Variants in TET3 observed in about 807,000 individuals in gnomAD.
TET3 encodes the protein tet methylcytosine dioxygenase 3.
Under a neutral mutation model 141.4 loss-of-function variants are expected in TET3, and 19 were observed. The observed-to-expected ratio is 0.13, with a 90% CI of 0.09 to 0.20. TET3 has a LOEUF of 0.20. Ranked by LOEUF, TET3 falls within the 10% of genes least tolerant of loss-of-function variation. The pLI is 1.00. For synonymous variants in TET3, 1,043 were observed against 980.9 expected, an observed-to-expected ratio of 1.06 and a Z score of -1.18; for missense variants, 1,874 against 2,356.9, an observed-to-expected ratio of 0.80 and a Z score of 4.24.
Position 74,092,807 on chromosome 2 carries a change from C to A in TET3, c.3040-95C>A, listed in dbSNP as rs532838034. On this transcript the variant is annotated intron_variant, in intron 8 of 11. Transcript: ENST00000409262. ...CCTGATAACACCTCCCTCCCAGCCTCCCCCACGATGCTTCAGGAATGCCAG... is the reference window on the plus strand; with the variant it reads ...CCTGATAACACCTCCCTCCCAGCCTACCCCACGATGCTTCAGGAATGCCAG... 2.8e-6 allele frequency: 3 copies of A among 1,077,818 alleles called. No individual in the cohort carries two copies. The East Asian group carries it at 7.8e-5, about 28-fold the overall frequency. The allele number at this position is 1,077,818 out of a possible 1,614,324, so 66.8% of individuals were successfully genotyped here.
rs963656949 is a variant in TET3 at position 74,069,599 on chromosome 2, T to C, written c.2495-3950T>C. Among the ~76,000 whole-genome samples, 140 of 151,596 alleles carry C rather than the reference T, an allele frequency of 9.2e-4. 1 individual carries two copies. The highest frequency in any genetic ancestry group is 3.4e-4 in the Non-Finnish European group (23 of 67,896). On this transcript the variant is annotated intron_variant, in intron 4 of 11. Transcript: ENST00000409262. The stretch of plus-strand genomic sequence containing the variant: ...TATGCCCTTTCTTATCTTTTTTTTT[T>C]CCCTTGATGCAGGGTCTTGCTGTGT...
intron 3 of TET3, among the ~76,000 whole-genome samples, chr2:74,021,388 C>T (rs532333384): frequency 2.0e-5 from 3 of 152,352 alleles, no homozygotes; most frequent in Admixed American, 6.5e-5. Context: ...TTAGCCCACC[C>T]GTTGGACAAA....
At chr2:74,037,521 G>C (rs1165368413) in intron 3 of TET3, among the ~76,000 whole-genome samples, 1 of 152,252 alleles carries the variant, frequency 6.6e-6, no homozygotes, top group Non-Finnish European at 1.5e-5. Context: ...ACTGGGTGGA[G>C]TTTACTGGCT....
intron 3 of TET3, among the ~76,000 whole-genome samples, chr2:74,026,708 G>A (rs369908602): frequency 6.6e-6 from 1 of 150,420 alleles, no homozygotes; most frequent in African/African-American, 2.4e-5. Context: ...TGAATCGCTC[G>A]CAAACTTCCC....
At chr2:74,054,190 A>G (rs1480369263) in intron 4 of TET3, among the ~76,000 whole-genome samples, 1 of 152,122 alleles carries the variant, frequency 6.6e-6, no homozygotes, top group African/African-American at 2.4e-5. Flanking sequence ...TCAGGGGAAG[A>G]GGGGATGATA....
the TET3 span, chr2:74,122,914 G>A: frequency 6.6e-6 from 1 of 151,650 alleles, no homozygotes; most frequent in South Asian, 2.1e-4. Context: ...GGCTGGCCTT[G>A]AACTCCTGGG....
At chr2:74,012,015 C>T (rs564957423) in intron 3 of TET3, among the ~76,000 whole-genome samples, 2 of 152,262 alleles carry the variant, frequency 1.3e-5, no homozygotes, top group African/African-American at 4.8e-5. Flanking sequence ...GGTTGGAGTG[C>T]GGTGGCTCGA....
intron 3 of TET3, among the ~76,000 whole-genome samples, chr2:74,017,084 A>G (rs139463199): frequency 1.3e-3 from 201 of 152,234 alleles, no homozygotes; most frequent in African/African-American, 4.6e-3. Flanking sequence ...TGGGAAGTTC[A>G]AGACCAGCCT....
At chr2:74,121,752 T>C in the TET3 span, 1 of 152,254 alleles carries the variant, frequency 6.6e-6, no homozygotes, top group Non-Finnish European at 1.5e-5. Flanking sequence ...CATCCCAGCA[T>C]ATTGGGAGTC....
the TET3 span, among the ~76,000 whole-genome samples, chr2:74,126,262 T>G: frequency 1.3e-5 from 2 of 152,182 alleles, no homozygotes; most frequent in Admixed American, 1.3e-4. Flanking sequence ...GTTTTAATGC[T>G]GAAAAGAGAA....
chr2:74,045,901 G>A (rs1687594452), intron 3 of TET3, among the ~76,000 whole-genome samples: 1 of 152,090 alleles, frequency 6.6e-6, no homozygotes, highest in African/African-American at 2.4e-5. Flanking sequence ...TTTCCATCTT[G>A]ACAAAAAACA....
chr2:73,989,388 A>T (rs10207954), intron 2 of TET3, among the ~76,000 whole-genome samples: 4,719 of 151,944 alleles, frequency 0.031, 152 homozygotes, highest in East Asian at 0.16. Context: ...ACTCTTCCTT[A>T]CTTCCCTTCT....
intron 6 of TET3, among the ~76,000 whole-genome samples, chr2:74,082,533 A>G (rs553669496): frequency 1.2e-4 from 18 of 152,136 alleles, no homozygotes; most frequent in Non-Finnish European, 2.4e-4. Context: ...GGGACTTCCC[A>G]TGTCTTATGA....
intron 4 of TET3, among the ~76,000 whole-genome samples, chr2:74,052,380 A>G (rs1409419641): frequency 6.6e-6 from 1 of 152,168 alleles, no homozygotes; most frequent in Admixed American, 6.5e-5. Context: ...ACAATGGGAA[A>G]ATCCCATACT....
chr2:74,044,356 T>C (rs1043495626), intron 3 of TET3, among the ~76,000 whole-genome samples: 4 of 152,236 alleles, frequency 2.6e-5, no homozygotes, highest in African/African-American at 9.6e-5. Context: ...GTCTCATGTA[T>C]TTATCATCTT....
At chr2:74,010,595 G>A (rs1334711494) in intron 3 of TET3, among the ~76,000 whole-genome samples, 3 of 152,230 alleles carry the variant, frequency 2.0e-5, no homozygotes, top group African/African-American at 7.2e-5. Flanking sequence ...GCCCCTGAGA[G>A]TCTGCTGTTA....
In TET3 at chr2:74,081,284, CAGA is replaced by C. The variant is rs558695931; in HGVS notation, c.2679+699_2679+701del. Reference sequence around the variant, plus strand: ...TTAAATAGCAGAGCATCTGCCTCTGCAGAAGAAGTGCTGAGGAGGAGCAGCCAG... The same window carrying C: ...TTAAATAGCAGAGCATCTGCCTCTGCAGAAGTGCTGAGGAGGAGCAGCCAG... On this transcript the variant is annotated intron_variant, in intron 6 of 11. Transcript: ENST00000409262. 5.3e-5 allele frequency among the ~76,000 whole-genome samples: 8 copies of C among 152,350 alleles called. No individual in the cohort carries two copies. In the East Asian group the frequency reaches 1.4e-3, roughly 26 times the overall value.
intron 10 of TET3, among the ~76,000 whole-genome samples, chr2:74,094,547 G>A (rs1690694880): frequency 6.6e-6 from 1 of 152,192 alleles, no homozygotes; most frequent in African/African-American, 2.4e-5. Context: ...GTTAGAGAAT[G>A]AGGTGTGTGA....
At chr2:74,066,104 A>G (rs1688883893) in intron 4 of TET3, among the ~76,000 whole-genome samples, 1 of 152,188 alleles carries the variant, frequency 6.6e-6, no homozygotes, top group Non-Finnish European at 1.5e-5. Context: ...TCAAAACCAG[A>G]GAGCTAGGGG....
Sources: gnomAD v4.1 joint callset for allele counts (sites outside exome capture counted in the v4.1 genomes callset) on GRCh38, gnomAD v4.1.1 for gene constraint, MANE v1.5 for transcripts, NCBI Gene and HGNC (gene_info 2026-07-23, HGNC 2026-07-21) for gene names.